The following NUP188 variants were observed in gnomAD, a reference collection of about 807,000 sequenced individuals.
NUP188 encodes nucleoporin 188, also known as nucleoporin NUP188.
NUP188 carries 97 observed loss-of-function variants against 223.0 expected under a neutral mutation model. The ratio of observed to expected loss-of-function variants is 0.43; its 90% CI spans 0.37 to 0.51. The LOEUF (loss-of-function observed/expected upper bound fraction) is 0.51. Ranked by LOEUF, NUP188 falls within the 20% of genes least tolerant of loss-of-function variation. The probability of loss-of-function intolerance (pLI) is 0.00; values close to 1 mark genes in which losing one functional copy is unlikely to be tolerated. For synonymous variants in NUP188, 869 were observed against 828.0 expected (o/e 1.05, Z -0.85); for missense variants, 1,947 against 2,175.6 (o/e 0.89, Z 2.09).
chr9:128,958,579 G>A (rs1432018411), intron 6 of NUP188, among the ~76,000 whole-genome samples: 2 of 152,164 alleles, frequency 1.3e-5, no homozygotes, highest in African/African-American at 4.8e-5. Context: ...GGAAACTTGT[G>A]TATATTGTTA....
At chr9:128,955,685 T>C (rs914658208) in intron 3 of NUP188, among the ~76,000 whole-genome samples, 7 of 152,186 alleles carry the variant, frequency 4.6e-5, no homozygotes, top group African/African-American at 1.4e-4. Flanking sequence ...AGGACTTTGG[T>C]TTCTTAAGCC....
chr9:128,999,582 G>A (rs367585040), intron 33 of NUP188, 42 bp from the exon 34 acceptor site: 181 of 1,591,220 alleles, frequency 1.1e-4, no homozygotes, highest in Non-Finnish European at 1.5e-4. Context: ...GTGAGAGTTG[G>A]CCTGGTGAGC....
chr9:128,970,745 C>T lies in NUP188; in HGVS notation c.913-13C>T. On this transcript the variant is annotated splice_polypyrimidine_tract_variant and intron_variant, in intron 10 of 43. Coordinates refer to ENST00000372577, the MANE Select transcript of NUP188 (RefSeq NM_015354.3). ...CTGTTCGGAGATGTAGATGTGTTTTCTTCTCTCACTAGGATATGGACTGTT... is the reference window on the plus strand; with the variant it reads ...CTGTTCGGAGATGTAGATGTGTTTTTTTCTCTCACTAGGATATGGACTGTT... 1 of 1,612,114 alleles carries T rather than the reference C, an allele frequency of 6.2e-7. No homozygotes were observed. The highest frequency in any genetic ancestry group is 8.5e-7 in the Non-Finnish European group (1 of 1,178,218).
At chr9:129,002,040 T>G in intron 36 of NUP188, 64 bp downstream of exon 36, 1 of 1,322,482 alleles carries the variant, frequency 7.6e-7, no homozygotes, top group Non-Finnish European at 1.1e-6. Context: ...TTGAAAAGTG[T>G]CCTCCCCTAC....
chr9:129,001,502 C>T (rs748981234), intron 34 of NUP188, 27 bp from the exon 35 acceptor site: 19 of 1,604,908 alleles, frequency 1.2e-5, no homozygotes, highest in African/African-American at 1.3e-5. Flanking sequence ...CTTCTTCCCC[C>T]TTTTACTCAT....
rs201618088 is a variant in NUP188 at position 128,979,252 on chromosome 9, C to T, written c.1204-10C>T. The stretch of plus-strand genomic sequence containing the variant: ...GAAAATGATCCATTTTTCTTCCCTT[C>T]CTCAAACAGGATATAATTGATACAG... On this transcript the variant is annotated splice_polypyrimidine_tract_variant and intron_variant, in intron 12 of 43. Transcript: ENST00000372577. 102 of 1,604,032 alleles carry T rather than the reference C, an allele frequency of 6.4e-5. No homozygotes were observed. Among genetic ancestry groups the T allele is most frequent in the Admixed American group, 1.3e-4 (8 of 59,526 alleles).
At chr9:129,003,607 C>G in intron 38 of NUP188, 153 bp downstream of exon 38, 1 of 899,720 alleles carries the variant, frequency 1.1e-6, no homozygotes. Context: ...CATGTGCTTA[C>G]TCTGGCTAAA....
intron 1 of NUP188, 197 bp downstream of exon 1, chr9:128,947,948 G>T (rs1418002200): frequency 4.8e-6 from 2 of 412,736 alleles, no homozygotes; most frequent in Admixed American, 4.4e-5. Flanking sequence ...TTCTTCAGGA[G>T]GGGGGCCGGC....
chr9:129,006,832 C>T lies in NUP188; in HGVS notation c.*154C>T, dbSNP rs74588528. The T allele has an allele frequency of 5.0e-3, 3,532 of 706,576 alleles. 117 individuals are homozygous for T. The East Asian group carries it at 0.064, about 13-fold the overall frequency. 43.8% of individuals were successfully genotyped at this position (706,576 alleles called of 1,614,324 possible). A position where few individuals can be genotyped will look rare whatever the true frequency, so the allele number is the denominator to read the frequency against. On this transcript the variant is annotated 3_prime_UTR_variant, in exon 44 of 44. Coordinates refer to ENST00000372577, the MANE Select transcript of NUP188 (RefSeq NM_015354.3). Reference sequence around the variant, plus strand: ...CACGACTCCAGCCACCACCCACTGACGTTATTTTTATACTAGATGAAGAGG... The same window carrying T: ...CACGACTCCAGCCACCACCCACTGATGTTATTTTTATACTAGATGAAGAGG...
At chr9:128,967,916 G>A (rs1029531676) in intron 8 of NUP188, among the ~76,000 whole-genome samples, 3 of 151,902 alleles carry the variant, frequency 2.0e-5, no homozygotes, top group African/African-American at 7.3e-5. Flanking sequence ...AGCTGTGGGT[G>A]TACTCTGGGT....
At chr9:128,978,518 G>A (rs1253149879) in intron 12 of NUP188, among the ~76,000 whole-genome samples, 4 of 138,888 alleles carry the variant, frequency 2.9e-5, no homozygotes, top group Non-Finnish European at 4.5e-5. Flanking sequence ...AGCCAAGATC[G>A]CGCCACTGCA....
rs1215384889 is a variant in NUP188, at chr9:129,005,509, C to A, written c.4716C>A (p.Val1572=). Residue 1572 remains valine (V), a synonymous_variant, in exon 40 of 44, where the codon GTC becomes GTA. Coordinates refer to ENST00000372577, the MANE Select transcript of NUP188 (RefSeq NM_015354.3). ...CCCTGCGCCACTTCACCCCAGATGTCTGCCAGATTCTGCTGGATCAGGTAC... is the reference window on the plus strand; with the variant it reads ...CCCTGCGCCACTTCACCCCAGATGTATGCCAGATTCTGCTGGATCAGGTAC... ...LAALRHFTPD[V]CQILLDQSLD... The A allele has an allele frequency of 1.0e-5, 16 of 1,606,626 alleles. No homozygotes were observed. Among genetic ancestry groups the A allele is most frequent in the African/African-American group, 1.3e-5 (1 of 74,942 alleles).
intron 8 of NUP188, among the ~76,000 whole-genome samples, chr9:128,963,657 T>A (rs1415711916): frequency 6.6e-6 from 1 of 152,148 alleles, no homozygotes; most frequent in African/African-American, 2.4e-5. Context: ...TAAATAAGTA[T>A]ATAGTAATAT....
At chr9:128,956,694 A>C (rs543827827) in intron 4 of NUP188, among the ~76,000 whole-genome samples, 2 of 152,326 alleles carry the variant, frequency 1.3e-5, no homozygotes, top group South Asian at 4.1e-4. Context: ...AGCTCACATC[A>C]TGCCTACTGC....
intron 13 of NUP188, among the ~76,000 whole-genome samples, chr9:128,980,203 T>C (rs901523213): frequency 1.3e-5 from 2 of 152,208 alleles, no homozygotes; most frequent in African/African-American, 4.8e-5. Flanking sequence ...TCTGATGTTA[T>C]AGAACCACAG....
At chr9:129,000,385 C>G (rs1417458583) in intron 34 of NUP188, among the ~76,000 whole-genome samples, 1 of 152,182 alleles carries the variant, frequency 6.6e-6, no homozygotes, top group African/African-American at 2.4e-5. Context: ...GTGGTGCGAT[C>G]TTGGCTCACT....
chr9:128,961,460 C>T (rs577185053), intron 8 of NUP188, among the ~76,000 whole-genome samples: 18 of 151,666 alleles, frequency 1.2e-4, no homozygotes, highest in Admixed American at 2.0e-4. Context: ...TGCAGTGAGC[C>T]GAGATGACGC....
At position 129,005,168 on chromosome 9, in the gene NUP188, C is replaced by T. The variant is rs1431351954; in HGVS notation, c.4456C>T (p.Gln1486Ter). Residue 1486 changes from glutamine to a stop codon, truncating the protein, a stop_gained, in exon 39 of 44, where the codon CAG becomes TAG. Coordinates refer to ENST00000372577, the MANE Select transcript of NUP188 (RefSeq NM_015354.3). LOFTEE classifies it high-confidence loss of function. Reference protein sequence around the residue: ...DIQVNLGYLCQACTSLLHSRK... With the variant: ...DIQVNLGYLC Reference sequence around the variant, plus strand: ...CCAGGTCAACCTGGGTTACTTGTGCCAGGCATGTACCTCTCTCCTGCACAG... The same window carrying T: ...CCAGGTCAACCTGGGTTACTTGTGCTAGGCATGTACCTCTCTCCTGCACAG... The T allele has an allele frequency of 6.2e-7, 1 of 1,613,946 alleles. No individual in the cohort carries two copies. Among genetic ancestry groups the T allele is most frequent in the Non-Finnish European group, 8.5e-7 (1 of 1,179,922 alleles).
At chr9:128,959,262 TCTC>T (rs1174984253) in intron 8 of NUP188, 128 bp downstream of exon 8, 2 of 628,540 alleles carry the variant, frequency 3.2e-6, no homozygotes, top group Admixed American at 3.6e-5. Context: ...TTTAAGCAAT[TCTC>T]CTACCTCAGT....
Sources: allele counts gnomAD v4.1 joint callset (sites outside exome capture counted in the v4.1 genomes callset), GRCh38; gene constraint gnomAD v4.1.1; transcripts MANE v1.5; gene names NCBI Gene and HGNC (gene_info 2026-07-23, HGNC 2026-07-21).